The following KCNG4 variants were observed in gnomAD, a reference collection of about 807,000 sequenced individuals.
KCNG4 encodes the protein potassium voltage-gated channel modifier subfamily G member 4.
In KCNG4, 30 loss-of-function variants were observed where a neutral mutation model predicts 28.2. The ratio of observed to expected loss-of-function variants is 1.06; its 90% CI spans 0.80 to 1.44. The LOEUF is 1.44. KCNG4 is among the 40% of genes most tolerant of loss of function. The pLI is 0.00. For missense variants in KCNG4, 879 were observed against 712.3 expected (o/e 1.23, Z -2.66); for synonymous variants, 375 against 315.5 (o/e 1.19, Z -2.00).
intron 2 of KCNG4, chr16:84,236,511 T>A (rs2151340329): frequency 1.6e-6 from 1 of 630,156 alleles, no homozygotes; most frequent in East Asian, 2.9e-5. Context: ...CGGTGAGCCT[T>A]AGGCACTTTT....
At chr16:84,227,572 GT>G (rs1052888318) in intron 2 of KCNG4, among the ~76,000 whole-genome samples, 18 of 152,144 alleles carry the variant, frequency 1.2e-4, no homozygotes, top group African/African-American at 3.9e-4. Context: ...GCTAGAATCT[GT>G]CTCAGAAAAA....
chr16:84,238,026 A>C, intron 1 of KCNG4, among the ~76,000 whole-genome samples: 1 of 152,158 alleles, frequency 6.6e-6, no homozygotes. Flanking sequence ...TGGGTTACTC[A>C]GTGTCTCTGA....
In KCNG4 at chr16:84,226,572, G is replaced by T. The variant is rs1235298035; in HGVS notation, c.757-3552C>A. The stretch of plus-strand genomic sequence containing the variant: ...CTGAGGTGGAGAGGGGATGGAAAGA[G>T]AGGAAACAAGAATGGCAGAATATTG... On this transcript the variant is annotated intron_variant, in intron 2 of 2. Coordinates refer to ENST00000308251, the MANE Select transcript of KCNG4 (RefSeq NM_172347.3). This position sits in a 1 kb window ranked among gnomAD's most constrained non-coding sequence, Gnocchi z 4.1. Among the ~76,000 whole-genome samples, 1 of 152,014 alleles carries T rather than the reference G, an allele frequency of 6.6e-6. No homozygotes were observed. The highest frequency in any genetic ancestry group is 1.9e-4 in the East Asian group (1 of 5,196).
intron 2 of KCNG4, among the ~76,000 whole-genome samples, chr16:84,230,852 GA>G (rs1174019975): frequency 6.6e-6 from 1 of 152,248 alleles, no homozygotes; most frequent in African/African-American, 2.4e-5. Flanking sequence ...AGAACAGTGG[GA>G]AGGCCGGCAG....
intron 2 of KCNG4, among the ~76,000 whole-genome samples, chr16:84,229,183 C>T (rs1035066539): frequency 3.3e-5 from 5 of 151,770 alleles, no homozygotes; most frequent in African/African-American, 7.3e-5. Flanking sequence ...ACCTGTAATC[C>T]GTTACTCGGG....
In KCNG4 at chr16:84,226,617, G is replaced by A. The variant is rs780218437; in HGVS notation, c.757-3597C>T. Among the ~76,000 whole-genome samples the A allele has an allele frequency of 6.6e-6, 1 of 151,868 alleles. No homozygotes were observed. The highest frequency in any genetic ancestry group is 2.4e-5 in the African/African-American group (1 of 41,356). On this transcript the variant is annotated intron_variant, in intron 2 of 2. Coordinates refer to ENST00000308251, the MANE Select transcript of KCNG4 (RefSeq NM_172347.3). This position sits in a 1 kb window ranked among gnomAD's most constrained non-coding sequence, Gnocchi z 4.1. ...ATATTGGCTGGGCACAATGGCTCACGCCTGTAATCCCAGCACTTTGGGAGG... is the reference window on the plus strand; with the variant it reads ...ATATTGGCTGGGCACAATGGCTCACACCTGTAATCCCAGCACTTTGGGAGG...
Position 84,222,454 on chromosome 16 carries a change from G to C in KCNG4, c.1323C>G (p.Ser441Arg), listed in dbSNP as rs761938988. 5 of 1,613,922 alleles carry C rather than the reference G, an allele frequency of 3.1e-6. No individual in the cohort carries two copies. In the East Asian group the frequency reaches 1.1e-4, roughly 36 times the overall value. Residue 441 changes from serine to arginine, a missense_variant, in exon 3 of 3, where the codon AGC becomes AGG. Transcript: ENST00000308251. ...GQMVALSSIL[S>R]GILIMAFPAT... ...CCGGGAAGGCCATGATGAGGATCCC[G>C]CTCAGGATGCTGCTGAGGGCCACCA...
chr16:84,222,736 C>A lies in KCNG4; in HGVS notation c.1041G>T (p.Val347=), dbSNP rs1438253551. Residue 347 remains valine (V), a synonymous_variant, in exon 3 of 3, where the codon GTG becomes GTT. Transcript: ENST00000308251. ...RVLRALRILY[V]MRLARHSLGL... ...CCAGCGAGTGGCGAGCCAGGCGCAT[C>A]ACGTAGAGGATGCGCAGCGCTCGCA... 1 of 1,612,876 alleles carries A rather than the reference C, an allele frequency of 6.2e-7. No homozygotes were observed. Among genetic ancestry groups the A allele is most frequent in the Non-Finnish European group, 8.5e-7 (1 of 1,179,532 alleles).
intron 2 of KCNG4, among the ~76,000 whole-genome samples, chr16:84,227,633 A>G (rs1469034237): frequency 6.6e-6 from 1 of 152,228 alleles, no homozygotes; most frequent in Non-Finnish European, 1.5e-5. Flanking sequence ...AGTCCATGGT[A>G]GTATTATTCA....
intron 2 of KCNG4, among the ~76,000 whole-genome samples, chr16:84,233,445 G>C (rs1904872924): frequency 6.6e-6 from 1 of 152,204 alleles, no homozygotes; most frequent in South Asian, 2.1e-4. Flanking sequence ...GTTCATGCTT[G>C]TAATCCTGGC....
At chr16:84,234,062 C>T (rs1325638333) in intron 2 of KCNG4, among the ~76,000 whole-genome samples, 1 of 152,210 alleles carries the variant, frequency 6.6e-6, no homozygotes. Flanking sequence ...GTTCTTTCAT[C>T]CTTTTGGGGA....
intron 2 of KCNG4, among the ~76,000 whole-genome samples, chr16:84,228,358 C>G (rs947641819): frequency 6.6e-6 from 1 of 152,222 alleles, no homozygotes; most frequent in Non-Finnish European, 1.5e-5. Flanking sequence ...GCATCCCTCC[C>G]TCCCCTCCCT....
In KCNG4 at chr16:84,239,695, C is replaced by T. The variant is rs548085499; in HGVS notation, c.-66G>A. 1 of 152,120 alleles carries T rather than the reference C, an allele frequency of 6.6e-6. No individual in the cohort carries two copies. Among genetic ancestry groups the T allele is most frequent in the Non-Finnish European group, 1.5e-5 (1 of 68,022 alleles). 9.4% of individuals were successfully genotyped at this position (152,120 alleles called of 1,614,324 possible). A position where few individuals can be genotyped will look rare whatever the true frequency, so the allele number is the denominator to read the frequency against. ...CTTCTTGTCTCAGGGAGCCAGTTTCCAGCTGTTTCTCTGCCAGGCAAGGGG... is the reference window on the plus strand; with the variant it reads ...CTTCTTGTCTCAGGGAGCCAGTTTCTAGCTGTTTCTCTGCCAGGCAAGGGG... On this transcript the variant is annotated 5_prime_UTR_variant, in exon 1 of 3. An upstream open reading frame in the 5' UTR gains an earlier in-frame stop. Coordinates refer to ENST00000308251, the MANE Select transcript of KCNG4 (RefSeq NM_172347.3).
At chr16:84,234,694 G>A (rs1477710951) in intron 2 of KCNG4, among the ~76,000 whole-genome samples, 1 of 152,180 alleles carries the variant, frequency 6.6e-6, no homozygotes, top group East Asian at 1.9e-4. Flanking sequence ...GATGGTATCA[G>A]GGTCAATTTA....
chr16:84,237,384 C>G lies in KCNG4; in HGVS notation c.102G>C (p.Pro34=), dbSNP rs138425512. The G allele has an allele frequency of 2.2e-5, 34 of 1,536,436 alleles. No homozygotes were observed. In the South Asian group the frequency reaches 4.1e-4, roughly 19 times the overall value. The part of the protein sequence containing the change: ...SQLLSSPMET[P]SIKGLYYRRV... ...TCCGGTAGTAAAGGCCCTTGATGGA[C>G]GGCGTCTCCATGGGGCTGGACAGGA... Residue 34 remains proline (P), a synonymous_variant, in exon 2 of 3, where the codon CCG becomes CCC. Coordinates refer to ENST00000308251, the MANE Select transcript of KCNG4 (RefSeq NM_172347.3).
In KCNG4 at chr16:84,231,699, C is replaced by A. The variant is rs542680439; in HGVS notation, c.756+5031G>T. Among the ~76,000 whole-genome samples the A allele has an allele frequency of 4.6e-5, 7 of 152,176 alleles. No homozygotes were observed. In the East Asian group the frequency reaches 1.4e-3, roughly 29 times the overall value. On this transcript the variant is annotated intron_variant, in intron 2 of 2. Coordinates refer to ENST00000308251, the MANE Select transcript of KCNG4 (RefSeq NM_172347.3). Reference sequence around the variant, plus strand: ...TAGACGTGACCTGCCCTGGATCTCCCAGTGCATTCAAGTGAGAGTCGGGGT... The same window carrying A: ...TAGACGTGACCTGCCCTGGATCTCCAAGTGCATTCAAGTGAGAGTCGGGGT...
rs1033560585 is a variant in KCNG4, at chr16:84,220,576, C to T, written c.*1641G>A. The T allele has an allele frequency of 6.6e-6, 1 of 152,248 alleles. No homozygotes were observed. Among genetic ancestry groups the T allele is most frequent in the African/African-American group, 2.4e-5 (1 of 41,468 alleles). The allele number at this position is 152,248 out of a possible 1,614,324, so 9.4% of individuals were successfully genotyped here. On this transcript the variant is annotated 3_prime_UTR_variant, in exon 3 of 3. Transcript: ENST00000308251. ...CCAGTGGTAAAATGCTGACCACTCT[C>T]ATACGTACACGATATCAGATTGGCA...
chr16:84,224,209 T>C (rs1377985268), intron 2 of KCNG4, among the ~76,000 whole-genome samples: 1 of 152,164 alleles, frequency 6.6e-6, no homozygotes, highest in African/African-American at 2.4e-5. Flanking sequence ...GGCACTGTTC[T>C]AGTGTGTGGT....
intron 2 of KCNG4, among the ~76,000 whole-genome samples, chr16:84,231,459 G>A (rs575714875): frequency 2.8e-4 from 43 of 152,274 alleles, no homozygotes; most frequent in African/African-American, 8.9e-4. Flanking sequence ...AGAGCTGCCC[G>A]GCCAGGGCTG....
Sources: allele counts gnomAD v4.1 joint callset (sites outside exome capture counted in the v4.1 genomes callset), GRCh38; gene constraint gnomAD v4.1.1; non-coding constraint Gnocchi (gnomAD v3.1); transcripts MANE v1.5; gene names NCBI Gene and HGNC (gene_info 2026-07-23, HGNC 2026-07-21).